KMT2C: variants seen among roughly 807,000 people sequenced by gnomAD.
KMT2C encodes the protein histone-lysine N-methyltransferase 2C.
Under a neutral mutation model 507.9 loss-of-function variants are expected in KMT2C, and 88 were observed. The ratio of observed to expected loss-of-function variants is 0.17; its 90% confidence interval spans 0.15 to 0.21. The LOEUF is 0.21. Ranked by LOEUF, KMT2C falls within the 10% of genes least tolerant of loss-of-function variation. The pLI, the probability that KMT2C is intolerant of heterozygous loss-of-function variation, is 1.00. For missense variants in KMT2C, 4,954 were observed against 5,957.8 expected (o/e 0.83, Z 5.55); for synonymous variants, 2,049 against 2,080.8 (o/e 0.98, Z 0.42).
At chr7:152,246,922 AGAG>A (rs1208084629) in intron 14 of KMT2C, among the ~76,000 whole-genome samples, 6 of 152,158 alleles carry the variant, frequency 3.9e-5, no homozygotes, top group Admixed American at 1.3e-4. Context: ...GGTTTGATAT[AGAG>A]GAGACTAATT....
rs529091252 is a variant in KMT2C at position 152,328,106 on chromosome 7, T to G, written c.389+2495A>C. Among the ~76,000 whole-genome samples, 17 of 152,174 alleles carry G rather than the reference T, an allele frequency of 1.1e-4. No homozygotes were observed. The South Asian group carries it at 1.7e-3, about 15-fold the overall frequency. On this transcript the variant is annotated intron_variant, in intron 3 of 58. Coordinates refer to ENST00000262189, the MANE Select transcript of KMT2C (RefSeq NM_170606.3). ...GAGTTCACATGACAGTCAAATGAAC[T>G]GTTGGAAAATAATAAGTGCCACAAA...
rs1397775417 is a variant in KMT2C at position 152,290,240 on chromosome 7, G to GTGTA, written c.850-16374_850-16373insTACA. On this transcript the variant is annotated intron_variant, in intron 6 of 58. Transcript: ENST00000262189. ...TATATATGTGTGTGTGTGTGTGTGTGTGTGTGTGTGTGTATGTGTATATAT... is the reference window on the plus strand; with the variant it reads ...TATATATGTGTGTGTGTGTGTGTGTGTGTATGTGTGTGTGTGTATGTGTATATAT... Among the ~76,000 whole-genome samples, 759 of 100,820 alleles carry GTGTA rather than the reference G, an allele frequency of 7.5e-3. 16 individuals are homozygous for GTGTA. The highest frequency in any genetic ancestry group is 0.034 in the African/African-American group (732 of 21,458). 66.1% of individuals were successfully genotyped at this position (100,820 alleles called of 152,430 possible).
intron 1 of KMT2C, among the ~76,000 whole-genome samples, chr7:152,409,358 T>C (rs2097657016): frequency 6.6e-6 from 1 of 152,028 alleles, no homozygotes; most frequent in Non-Finnish European, 1.5e-5. Flanking sequence ...TATGAGCTTT[T>C]TAAAAAATTT....
Position 152,181,999 on chromosome 7 carries a change from G to A in KMT2C, c.5861C>T (p.Ser1954Phe). 1 of 1,614,178 alleles carries A rather than the reference G, an allele frequency of 6.2e-7. No individual in the cohort carries two copies. The highest frequency in any genetic ancestry group is 8.5e-7 in the Non-Finnish European group (1 of 1,180,028). Residue 1954 changes from serine (S) to phenylalanine (F), a missense_variant, in exon 36 of 59, where the codon TCT (serine) becomes TTT (phenylalanine). Transcript: ENST00000262189. Reference protein sequence around the residue: ...NRPSPVRDLCSSSTTNNDPYA... With the variant: ...NRPSPVRDLCFSSTTNNDPYA... ...GGGGTCATTATTTGTCGTGGAAGAAGAACATAAATCTCTGACAGGGGATGG... is the reference window on the plus strand; with the variant it reads ...GGGGTCATTATTTGTCGTGGAAGAAAAACATAAATCTCTGACAGGGGATGG...
chr7:152,324,761 C>T (rs2096809913), intron 3 of KMT2C, among the ~76,000 whole-genome samples: 1 of 151,900 alleles, frequency 6.6e-6, no homozygotes. Context: ...AATAAGAAAA[C>T]TGAAAGATGC....
chr7:152,145,735 G>A (rs2091042805), intron 53 of KMT2C, among the ~76,000 whole-genome samples: 1 of 152,142 alleles, frequency 6.6e-6, no homozygotes, highest in African/African-American at 2.4e-5. Context: ...CATCTATATG[G>A]TTTCTTTCTT....
At chr7:152,339,937 T>C (rs1347796006) in intron 2 of KMT2C, among the ~76,000 whole-genome samples, 1 of 152,132 alleles carries the variant, frequency 6.6e-6, no homozygotes, top group Non-Finnish European at 1.5e-5. Context: ...CTGACATTCA[T>C]TATCGACTAG....
In KMT2C at chr7:152,162,356, C is replaced by G. The variant is rs149162881; in HGVS notation, c.11221G>C (p.Gly3741Arg). Reference sequence around the variant, plus strand: ...ACAGCGTTTCCTTCTACCTTACTACCATTCTGTTCCTCCAATTTAGGCTCC... The same window carrying G: ...ACAGCGTTTCCTTCTACCTTACTACGATTCTGTTCCTCCAATTTAGGCTCC... ...QEEPKLEEQN[G>R]SKVEGNAVAC... is the part of the protein sequence containing the mutation. Residue 3741 changes from glycine (G) to arginine (R), a missense_variant, in exon 43 of 59, where the codon GGT becomes CGT. Around this residue, in one of 29 missense-constraint regions of KMT2C, gnomAD observed 801 missense variants for 751.2 expected, o/e 1.07. Coordinates refer to ENST00000262189, the MANE Select transcript of KMT2C (RefSeq NM_170606.3). 1.5e-5 allele frequency: 25 copies of G among 1,614,112 alleles called. No homozygotes were observed. The highest frequency in any genetic ancestry group is 1.9e-5 in the Non-Finnish European group (23 of 1,180,052).
At chr7:152,330,325 C>T (rs974501297) in intron 3 of KMT2C, among the ~76,000 whole-genome samples, 3 of 152,086 alleles carry the variant, frequency 2.0e-5, no homozygotes, top group Non-Finnish European at 4.4e-5. Flanking sequence ...ACATTTATGT[C>T]TTCTGCCAGG....
At chr7:152,424,460 T>C (rs1002616595) in intron 1 of KMT2C, among the ~76,000 whole-genome samples, 6 of 151,980 alleles carry the variant, frequency 3.9e-5, no homozygotes, top group Non-Finnish European at 5.9e-5. Flanking sequence ...TTTCACTCTG[T>C]CGCCCAGGCT....
At chr7:152,400,785 C>T (rs1211158524) in intron 1 of KMT2C, among the ~76,000 whole-genome samples, 1 of 150,390 alleles carries the variant, frequency 6.6e-6, no homozygotes, top group Non-Finnish European at 1.5e-5. Flanking sequence ...ACAGTAGTAG[C>T]ACTGTGCAAA....
Position 152,297,061 on chromosome 7 carries a change from G to A in KMT2C, c.849+12905C>T, listed in dbSNP as rs866967973. Among the ~76,000 whole-genome samples, 793 of 111,430 alleles carry A rather than the reference G, an allele frequency of 7.1e-3. 12 individuals carry two copies. The highest frequency in any genetic ancestry group is 0.02 in the African/African-American group (444 of 21,878). 73.1% of individuals were successfully genotyped at this position (111,430 alleles called of 152,430 possible). ...AGAAAGAAAGAAAGAAAGACAGAGA[G>A]AGAGAGAGAGAGAGAGAGAGAGAGA... On this transcript the variant is annotated intron_variant, in intron 6 of 58. Transcript: ENST00000262189.
At chr7:152,214,059 G>A (rs1472999226) in intron 23 of KMT2C, among the ~76,000 whole-genome samples, 1 of 151,930 alleles carries the variant, frequency 6.6e-6, no homozygotes, top group Non-Finnish European at 1.5e-5. Context: ...TATCAAAAAG[G>A]CAAAGACATA....
At chr7:152,382,779 T>C (rs112159056) in intron 1 of KMT2C, among the ~76,000 whole-genome samples, 1,528 of 118,924 alleles carry the variant, frequency 0.013, no homozygotes, top group African/African-American at 0.047. Flanking sequence ...AAAATCTGTA[T>C]ACTCTTTGGC....
At chr7:152,282,579 C>T (rs993831022) in intron 6 of KMT2C, among the ~76,000 whole-genome samples, 2 of 151,994 alleles carry the variant, frequency 1.3e-5, no homozygotes, top group Non-Finnish European at 2.9e-5. Context: ...GAAAACAGTA[C>T]TTAGTAGCCA....
At chr7:152,300,094 T>G (rs1203266207) in intron 6 of KMT2C, among the ~76,000 whole-genome samples, 1 of 152,220 alleles carries the variant, frequency 6.6e-6, no homozygotes, top group Non-Finnish European at 1.5e-5. Context: ...CTGTCTATAA[T>G]GGAGAATAAT....
At chr7:152,206,905 CTGAAA>C (rs546473501) in intron 24 of KMT2C, among the ~76,000 whole-genome samples, 365 of 152,160 alleles carry the variant, frequency 2.4e-3, no homozygotes, top group Non-Finnish European at 3.6e-3. Context: ...TGCATAAACA[CTGAAA>C]TAAGTTTTTT....
intron 41 of KMT2C, among the ~76,000 whole-genome samples, 178 bp from the exon 42 acceptor site, chr7:152,167,556 A>G (rs1383440608): frequency 1.3e-5 from 2 of 152,250 alleles, no homozygotes; most frequent in Non-Finnish European, 2.9e-5. Context: ...TTAGAAAAAT[A>G]TTTAATTGAG....
At chr7:152,271,394 C>T (rs1296522619) in intron 7 of KMT2C, among the ~76,000 whole-genome samples, 1 of 152,024 alleles carries the variant, frequency 6.6e-6, no homozygotes, top group African/African-American at 2.4e-5. Flanking sequence ...CCAAGGAGGC[C>T]GGGCACGATG....
Sources: allele counts gnomAD v4.1 joint callset (sites outside exome capture counted in the v4.1 genomes callset), GRCh38; gene constraint gnomAD v4.1.1; regional missense constraint gnomAD v4.1.1; transcripts MANE v1.5; gene names NCBI Gene and HGNC (gene_info 2026-07-23, HGNC 2026-07-21).